Variants in SAG observed in about 807,000 individuals in gnomAD.
SAG encodes the protein S-antigen visual arrestin, also known as S-arrestin.
SAG carries 45 observed loss-of-function variants against 55.0 expected under a neutral mutation model. That is an observed-to-expected ratio of 0.82 (90% CI 0.64 to 1.05). The LOEUF is 1.05. Among genes scored for constraint, SAG ranks in the 50% least tolerant of loss-of-function variants. The pLI, the probability that SAG is intolerant of heterozygous loss-of-function variation, is 0.00. For missense variants in SAG, 455 were observed against 512.1 expected (o/e 0.89, Z 1.08); for synonymous variants, 189 against 197.4 (o/e 0.96, Z 0.36).
intron 10 of SAG, chr2:233,333,462 C>T (rs888432174): frequency 6.6e-6 from 1 of 152,258 alleles, no homozygotes; most frequent in Admixed American, 6.5e-5. Context: ...CTGGAGGAGC[C>T]TGGGAGCTGG....
rs1032300590 is a variant in SAG at position 233,319,500 on chromosome 2, T to C, written c.181+705T>C. Reference sequence around the variant, plus strand: ...ACTCAGTTCCATTCTAAATATGCCTTTTTGAGTGTTGCTACTGGCAACATC... The same window carrying C: ...ACTCAGTTCCATTCTAAATATGCCTCTTTGAGTGTTGCTACTGGCAACATC... On this transcript the variant is annotated intron_variant, in intron 4 of 15. Coordinates refer to ENST00000409110, the MANE Select transcript of SAG (RefSeq NM_000541.5). The surrounding 1 kb of genome is among the most constrained non-coding windows in gnomAD (Gnocchi z 4.4). 2 of 770,964 alleles carry C rather than the reference T, an allele frequency of 2.6e-6. No individual in the cohort carries two copies. The highest frequency in any genetic ancestry group is 3.2e-6 in the Non-Finnish European group (2 of 631,706). 47.8% of individuals were successfully genotyped at this position (770,964 alleles called of 1,614,324 possible).
At chr2:233,331,617 G>A (rs757876784) in intron 9 of SAG, 23 bp from the exon 10 acceptor site, 12 of 1,567,832 alleles carry the variant, frequency 7.7e-6, no homozygotes, top group African/African-American at 4.1e-5. Flanking sequence ...GCTGACCACC[G>A]GACTCCCGTC....
chr2:233,334,189 G>A (rs1401843318), intron 10 of SAG: 4 of 152,324 alleles, frequency 2.6e-5, no homozygotes, highest in South Asian at 2.1e-4. Context: ...AGGGTAAGGT[G>A]AGAGTTTTGA....
chr2:233,313,609 G>T (rs1445998358), intron 2 of SAG, among the ~76,000 whole-genome samples: 2 of 151,556 alleles, frequency 1.3e-5, no homozygotes, highest in Non-Finnish European at 2.9e-5. Flanking sequence ...ACAATGGTAC[G>T]ATCGTAGCTC....
chr2:233,320,091 G>C, intron 4 of SAG: 1 of 632,664 alleles, frequency 1.6e-6, no homozygotes, highest in Non-Finnish European at 2.0e-6. Context: ...TCAGAGCAGC[G>C]TGAAAAGGAG....
intron 11 of SAG, among the ~76,000 whole-genome samples, chr2:233,335,790 G>A (rs1425224651): frequency 2.0e-5 from 3 of 152,228 alleles, no homozygotes; most frequent in African/African-American, 4.8e-5. Context: ...TCCAAGCCAC[G>A]CTTTTGCGCT....
intron 3 of SAG, 92 bp from the exon 4 acceptor site, chr2:233,318,659 T>A (rs755201469): frequency 9.5e-7 from 1 of 1,052,348 alleles, no homozygotes; most frequent in Non-Finnish European, 1.5e-6. Context: ...ATGGATTACA[T>A]GTGTAATTAA....
At position 233,319,817 on chromosome 2, in the gene SAG, G is replaced by T; in HGVS notation, c.182-813G>T. 1 of 985,788 alleles carries T rather than the reference G, an allele frequency of 1.0e-6. No individual in the cohort carries two copies. Among genetic ancestry groups the T allele is most frequent in the Non-Finnish European group, 1.2e-6 (1 of 829,964 alleles). 61.1% of individuals were successfully genotyped at this position (985,788 alleles called of 1,614,324 possible). On this transcript the variant is annotated intron_variant, in intron 4 of 15. Coordinates refer to ENST00000409110, the MANE Select transcript of SAG (RefSeq NM_000541.5). The surrounding 1 kb of genome is among the most constrained non-coding windows in gnomAD (Gnocchi z 4.4). ...TTAGTCCTGAGCTTGAATGAGGGGC[G>T]AGTGAGTGGCCACTGTTTCTTCTGA...
intron 14 of SAG, chr2:233,343,206 C>G (rs1033620766): frequency 6.6e-6 from 1 of 152,320 alleles, no homozygotes; most frequent in African/African-American, 2.4e-5. Context: ...CCTCAGCCTC[C>G]TGAATAGCTG....
chr2:233,322,897 G>T (rs764945565), intron 5 of SAG, 49 bp from the exon 6 acceptor site: 2 of 1,084,738 alleles, frequency 1.8e-6, no homozygotes, highest in African/African-American at 3.2e-5. Flanking sequence ...TTACTTAATG[G>T]AACAGCCCCT....
chr2:233,314,929 G>A (rs1700176818), intron 2 of SAG, among the ~76,000 whole-genome samples: 1 of 152,216 alleles, frequency 6.6e-6, no homozygotes, highest in Non-Finnish European at 1.5e-5. Context: ...CAATGAAAGA[G>A]TGTACTCTCA....
chr2:233,321,994 CACACACACA>C (rs1700395088), intron 5 of SAG, among the ~76,000 whole-genome samples: 1 of 29,162 alleles, frequency 3.4e-5, no homozygotes, highest in South Asian at 1.6e-3. Flanking sequence ...AATACACACA[CACACACACA>C]CACACACACA....
rs748856429 is a variant in SAG at position 233,318,787 on chromosome 2, G to C, written c.173G>C (p.Gly58Ala). 4 of 1,613,792 alleles carry C rather than the reference G, an allele frequency of 2.5e-6. No homozygotes were observed. The highest frequency in any genetic ancestry group is 3.4e-6 in the Non-Finnish European group (4 of 1,179,688). The change falls in exon 4 of 16, where the codon GGA becomes GCA. Residue 58 changes from glycine to alanine, a missense_variant. Gly to Ala is a moderately conservative substitution (Grantham distance 60, BLOSUM62 0). Transcript: ENST00000409110. Reference protein sequence around the residue: ...VVLVDPDLVKGKKVYVTLTCA... With the variant: ...VVLVDPDLVKAKKVYVTLTCA... ...TTGGTTGATCCTGATCTTGTGAAGGGAAAGAAAGGTGAGATGAAGCCCCTT... is the reference window on the plus strand; with the variant it reads ...TTGGTTGATCCTGATCTTGTGAAGGCAAAGAAAGGTGAGATGAAGCCCCTT...
At chr2:233,308,228 G>A (rs181165965) in intron 1 of SAG, among the ~76,000 whole-genome samples, 11 of 152,350 alleles carry the variant, frequency 7.2e-5, no homozygotes, top group Admixed American at 5.2e-4. Flanking sequence ...AGGAGGCTGA[G>A]GCTGGAGGAT....
At chr2:233,338,348 A>G (rs3828305) in intron 11 of SAG, among the ~76,000 whole-genome samples, 56,460 of 152,150 alleles carry the variant, frequency 0.37, 12,427 homozygotes, top group Non-Finnish European at 0.49. Context: ...GGGGACTTGC[A>G]GTTTTGGCAA....
chr2:233,331,748 C>G (rs1559447505), intron 10 of SAG, 36 bp downstream of exon 10: 1 of 1,475,284 alleles, frequency 6.8e-7, no homozygotes, highest in Admixed American at 1.7e-5. Context: ...TCCTGGGCGT[C>G]TCAGCCTTCT....
chr2:233,345,387 A>G (rs1464887199), intron 14 of SAG: 1 of 152,220 alleles, frequency 6.6e-6, no homozygotes, highest in African/African-American at 2.4e-5. Flanking sequence ...CAGGGTGCAC[A>G]TGCTCACGGC....
intron 7 of SAG, 164 bp downstream of exon 7, chr2:233,327,361 A>G (rs1316883544): frequency 2.2e-5 from 11 of 505,562 alleles, no homozygotes; most frequent in Non-Finnish European, 4.0e-5. Flanking sequence ...ATTTTTGGGG[A>G]AAAAAAAGAA....
At position 233,309,166 on chromosome 2, in the gene SAG, T is replaced by C. The variant is rs374412160; in HGVS notation, c.-24T>C. The C allele has an allele frequency of 6.2e-7, 1 of 1,607,748 alleles. No individual in the cohort carries two copies. Among genetic ancestry groups the C allele is most frequent in the Non-Finnish European group, 8.5e-7 (1 of 1,174,872 alleles). The stretch of plus-strand genomic sequence containing the variant: ...ACACCTGACCAACACCCCAAGGTGG[T>C]AGAAGTTGCCAGGGACAGATAACAT... On this transcript the variant is annotated 5_prime_UTR_variant, in exon 2 of 16. Transcript: ENST00000409110.
Sources: allele counts gnomAD v4.1 joint callset (sites outside exome capture counted in the v4.1 genomes callset), GRCh38; gene constraint gnomAD v4.1.1; non-coding constraint Gnocchi (gnomAD v3.1); transcripts MANE v1.5; gene names NCBI Gene and HGNC (gene_info 2026-07-23, HGNC 2026-07-21).